TNFSF4: variants seen among roughly 807,000 people sequenced by gnomAD.
The protein encoded by TNFSF4 is tumor necrosis factor ligand superfamily member 4.
TNFSF4 carries 4 observed loss-of-function variants against 7.3 expected under a neutral mutation model. The ratio of observed to expected loss-of-function variants is 0.55; its 90% confidence interval spans 0.27 to 1.25. TNFSF4 has a LOEUF of 1.25. Among genes scored for constraint, TNFSF4 ranks in the 50% most tolerant of loss-of-function variants. The probability of loss-of-function intolerance (pLI) is 0.12; values close to 1 mark genes in which losing one functional copy is unlikely to be tolerated. For synonymous variants in TNFSF4, 76 were observed against 83.7 expected (o/e 0.91, Z 0.50); for missense variants, 181 against 208.8 (o/e 0.87, Z 0.82).
At chr1:173,361,010 G>A in the TNFSF4 span, among the ~76,000 whole-genome samples, 3 of 152,280 alleles carry the variant, frequency 2.0e-5, no homozygotes, top group East Asian at 5.8e-4. Context: ...AACAGTCCTG[G>A]AAAGATAGAG....
At chr1:173,243,877 T>C in the TNFSF4 span, among the ~76,000 whole-genome samples, 1 of 152,184 alleles carries the variant, frequency 6.6e-6, no homozygotes, top group South Asian at 2.1e-4. Context: ...TTTGTCCCCA[T>C]CTACTTCACA....
At chr1:173,208,118 G>A (rs1295963825), upstream of TNFSF4, among the ~76,000 whole-genome samples, 2 of 152,136 alleles carry the variant, frequency 1.3e-5, no homozygotes, top group Non-Finnish European at 2.9e-5. Context: ...TCAGAACTTG[G>A]AAAGTAAGAG....
At chr1:173,344,064 T>C in the TNFSF4 span, among the ~76,000 whole-genome samples, 9 of 152,228 alleles carry the variant, frequency 5.9e-5, 1 homozygote, top group East Asian at 7.7e-4. Flanking sequence ...TCTGATTTCT[T>C]CATCCATTTT....
the TNFSF4 span, among the ~76,000 whole-genome samples, chr1:173,346,124 G>A: frequency 2.0e-5 from 3 of 152,124 alleles, no homozygotes; most frequent in Non-Finnish European, 4.4e-5. Context: ...CCACTGTGAG[G>A]GAGTTAGCTC....
chr1:173,287,914 C>T, the TNFSF4 span, among the ~76,000 whole-genome samples: 1 of 152,178 alleles, frequency 6.6e-6, no homozygotes. Context: ...ACAAAGGAGG[C>T]TTCTGCAGCT....
chr1:173,342,323 T>C, the TNFSF4 span, among the ~76,000 whole-genome samples: 1 of 152,148 alleles, frequency 6.6e-6, no homozygotes, highest in Non-Finnish European at 1.5e-5. Flanking sequence ...TCTGATTATT[T>C]TATATATGTT....
At chr1:173,347,783 A>G in the TNFSF4 span, among the ~76,000 whole-genome samples, 1 of 152,206 alleles carries the variant, frequency 6.6e-6, no homozygotes, top group South Asian at 2.1e-4. Context: ...AGCCTCAGCA[A>G]CATTGACATT....
chr1:173,336,175 T>C, the TNFSF4 span, among the ~76,000 whole-genome samples: 3 of 152,134 alleles, frequency 2.0e-5, no homozygotes, highest in Non-Finnish European at 2.9e-5. Context: ...GGCAAGCCAC[T>C]GAAACTACCT....
the TNFSF4 span, among the ~76,000 whole-genome samples, chr1:173,397,167 C>G: frequency 6.6e-6 from 1 of 152,140 alleles, no homozygotes; most frequent in African/African-American, 2.4e-5. Flanking sequence ...CTTACTTGAT[C>G]TGGATAAGCA....
the TNFSF4 span, among the ~76,000 whole-genome samples, chr1:173,307,286 T>C: frequency 2.6e-5 from 4 of 151,916 alleles, no homozygotes; most frequent in African/African-American, 9.7e-5. Flanking sequence ...GGACAAAATA[T>C]TGCTAATGTA....
chr1:173,388,797 T>G, the TNFSF4 span, among the ~76,000 whole-genome samples: 1 of 152,246 alleles, frequency 6.6e-6, no homozygotes, highest in African/African-American at 2.4e-5. Context: ...ATTTTTCAGA[T>G]TTCTGTGTCA....
the TNFSF4 span, among the ~76,000 whole-genome samples, chr1:173,297,554 G>A: frequency 1.3e-5 from 2 of 151,972 alleles, no homozygotes; most frequent in Non-Finnish European, 2.9e-5. Context: ...TCAGCTCCCA[G>A]AGATGGAGGC....
chr1:173,327,735 C>A, the TNFSF4 span, among the ~76,000 whole-genome samples: 2 of 152,070 alleles, frequency 1.3e-5, no homozygotes, highest in African/African-American at 4.8e-5. Flanking sequence ...TTTATGCAGC[C>A]AAAAAACACA....
At chr1:173,449,156 A>G in the TNFSF4 span, among the ~76,000 whole-genome samples, 46 of 151,302 alleles carry the variant, frequency 3.0e-4, no homozygotes, top group East Asian at 8.8e-3. Flanking sequence ...ACCTCCCCCT[A>G]CTCCTGCTCC....
chr1:173,251,088 G>T, the TNFSF4 span, among the ~76,000 whole-genome samples: 24 of 152,126 alleles, frequency 1.6e-4, no homozygotes, highest in African/African-American at 5.6e-4. Context: ...AGCCCTACAG[G>T]TGATTCTGAT....
chr1:173,401,033 T>C, the TNFSF4 span, among the ~76,000 whole-genome samples: 4 of 152,174 alleles, frequency 2.6e-5, no homozygotes, highest in South Asian at 2.1e-4. Context: ...TATATATATA[T>C]ACATATATAT....
the TNFSF4 span, among the ~76,000 whole-genome samples, chr1:173,308,410 C>G: frequency 1.4e-3 from 213 of 151,316 alleles, no homozygotes; most frequent in Middle Eastern, 0.014. Context: ...ATTCTTTTGT[C>G]TTTCACATGT....
At chr1:173,280,886 A>G in the TNFSF4 span, among the ~76,000 whole-genome samples, 1 of 152,122 alleles carries the variant, frequency 6.6e-6, no homozygotes, top group Admixed American at 6.6e-5. Flanking sequence ...TTCATTGTAC[A>G]TGGATTTTAT....
chr1:173,338,474 C>G, the TNFSF4 span, among the ~76,000 whole-genome samples: 1 of 152,182 alleles, frequency 6.6e-6, no homozygotes, highest in Non-Finnish European at 1.5e-5. Context: ...CTTGAAAGAG[C>G]TGGTTTGACA....
Sources: allele counts gnomAD v4.1 joint callset (sites outside exome capture counted in the v4.1 genomes callset), GRCh38; gene constraint gnomAD v4.1.1; transcripts MANE v1.5; gene names NCBI Gene and HGNC (gene_info 2026-07-23, HGNC 2026-07-21).